ZMAT4: variants seen among roughly 807,000 people sequenced by gnomAD.
The protein encoded by ZMAT4 is zinc finger matrin-type protein 4.
ZMAT4 carries 17 observed loss-of-function variants against 28.7 expected under a neutral mutation model. That is an observed-to-expected ratio of 0.59 (90% CI 0.41 to 0.89). The LOEUF is 0.89. Ranked by LOEUF, ZMAT4 falls within the 40% of genes least tolerant of loss-of-function variation. ZMAT4 has a pLI of 0.00. For missense variants in ZMAT4, 240 were observed against 283.8 expected, an observed-to-expected ratio of 0.85 and a Z score of 1.11; for synonymous variants, 117 against 109.2, an observed-to-expected ratio of 1.07 and a Z score of -0.44.
intron 2 of ZMAT4, among the ~76,000 whole-genome samples, chr8:40,775,328 T>G (rs1813545086): frequency 6.6e-6 from 1 of 152,226 alleles, no homozygotes; most frequent in South Asian, 2.1e-4. Flanking sequence ...ACTCCATGGC[T>G]GCAGTACAGG....
At chr8:40,782,909 C>A (rs759661892) in intron 2 of ZMAT4, among the ~76,000 whole-genome samples, 17 of 152,284 alleles carry the variant, frequency 1.1e-4, no homozygotes, top group Non-Finnish European at 2.2e-4. Flanking sequence ...GAAAGACAGA[C>A]AATAACAAGT....
intron 5 of ZMAT4, among the ~76,000 whole-genome samples, chr8:40,638,612 G>T (rs1260921750): frequency 1.3e-5 from 2 of 152,200 alleles, no homozygotes; most frequent in Non-Finnish European, 2.9e-5. Context: ...TGACTCTGAG[G>T]CTGGAAAAGG....
Position 40,641,489 on chromosome 8 carries a change from GT to G in ZMAT4, c.577+33214del, listed in dbSNP as rs148182411. 8.9e-3 allele frequency among the ~76,000 whole-genome samples: 1,348 copies of G among 152,222 alleles called. 13 individuals carry two copies. Among genetic ancestry groups the G allele is most frequent in the Non-Finnish European group, 0.013 (893 of 68,008 alleles). On this transcript the variant is annotated intron_variant, in intron 5 of 6. Coordinates refer to ENST00000297737, the MANE Select transcript of ZMAT4 (RefSeq NM_024645.3). ...GAAAAGAATTATTCTAAAAAACAGT[GT>G]TTTAGTGATTTTATTCTTTTATTTT...
chr8:40,593,400 A>G (rs1353213412), intron 5 of ZMAT4, among the ~76,000 whole-genome samples: 2 of 152,196 alleles, frequency 1.3e-5, no homozygotes, highest in Non-Finnish European at 2.9e-5. Context: ...ACAAGTCTAG[A>G]GGCACGCTTC....
chr8:40,786,746 G>A (rs1181917884), intron 2 of ZMAT4: 1 of 1,289,122 alleles, frequency 7.8e-7, no homozygotes, highest in African/African-American at 1.5e-5. Flanking sequence ...GGCTTAGTAT[G>A]TCTAATGAAA....
chr8:40,709,986 C>T (rs1237281570), intron 3 of ZMAT4, among the ~76,000 whole-genome samples: 1 of 147,558 alleles, frequency 6.8e-6, no homozygotes, highest in African/African-American at 2.5e-5. Context: ...GGCAGTGAGC[C>T]GAGATCGTGC....
At chr8:40,580,970 A>G (rs996872404) in intron 6 of ZMAT4, among the ~76,000 whole-genome samples, 195 bp downstream of exon 6, 2 of 152,170 alleles carry the variant, frequency 1.3e-5, no homozygotes, top group African/African-American at 4.8e-5. Context: ...TGAAAAAAAG[A>G]GATTCTTATT....
At chr8:40,729,974 T>C (rs920923197) in intron 3 of ZMAT4, among the ~76,000 whole-genome samples, 2 of 152,218 alleles carry the variant, frequency 1.3e-5, no homozygotes, top group South Asian at 4.1e-4. Context: ...ATAAACAATA[T>C]ATTTGAGTAA....
At chr8:40,698,242 C>G (rs765070423) in intron 3 of ZMAT4, among the ~76,000 whole-genome samples, 34 of 152,028 alleles carry the variant, frequency 2.2e-4, no homozygotes, top group African/African-American at 8.0e-4. Context: ...ATGCTTAAAT[C>G]CAGCTGGATT....
intron 4 of ZMAT4, among the ~76,000 whole-genome samples, chr8:40,677,838 T>C (rs954869339): frequency 2.0e-5 from 3 of 152,224 alleles, no homozygotes; most frequent in Non-Finnish European, 2.9e-5. Flanking sequence ...TTTGTTTTTA[T>C]TCTAATTGCA....
At chr8:40,662,693 T>C (rs1291505490) in intron 5 of ZMAT4, among the ~76,000 whole-genome samples, 1 of 152,174 alleles carries the variant, frequency 6.6e-6, no homozygotes, top group African/African-American at 2.4e-5. Context: ...TCAATTACAT[T>C]TCTTGTTGGA....
chr8:40,767,489 A>T, intron 3 of ZMAT4, 152 bp downstream of exon 3: 1 of 619,024 alleles, frequency 1.6e-6, no homozygotes, highest in Non-Finnish European at 2.6e-6. Context: ...AAACCTCGAT[A>T]TATATCATAG....
At chr8:40,594,440 A>C (rs1417343046) in intron 5 of ZMAT4, among the ~76,000 whole-genome samples, 1 of 152,166 alleles carries the variant, frequency 6.6e-6, no homozygotes, top group Non-Finnish European at 1.5e-5. Flanking sequence ...GGAATAACAT[A>C]CCTACAGATC....
intron 2 of ZMAT4, among the ~76,000 whole-genome samples, chr8:40,781,264 T>C (rs1479040604): frequency 1.3e-5 from 2 of 152,122 alleles, no homozygotes; most frequent in East Asian, 1.9e-4. Flanking sequence ...AACAACTTCA[T>C]TTCCAATAGC....
At chr8:40,745,858 A>G (rs1812195918) in intron 3 of ZMAT4, among the ~76,000 whole-genome samples, 1 of 152,172 alleles carries the variant, frequency 6.6e-6, no homozygotes, top group Non-Finnish European at 1.5e-5. Context: ...TCCACTCAAT[A>G]TATATGTTAT....
At chr8:40,613,873 T>C (rs960445600) in intron 5 of ZMAT4, among the ~76,000 whole-genome samples, 5 of 151,950 alleles carry the variant, frequency 3.3e-5, no homozygotes, top group Non-Finnish European at 5.9e-5. Context: ...TGTGGGAGAG[T>C]TGGCTTTCCA....
chr8:40,812,836 G>A (rs1586096508), intron 2 of ZMAT4, among the ~76,000 whole-genome samples: 1 of 152,096 alleles, frequency 6.6e-6, no homozygotes, highest in Non-Finnish European at 1.5e-5. Context: ...GGAGGCTGAG[G>A]CAGGAGAATC....
At chr8:40,594,041 G>T (rs1233920850) in intron 5 of ZMAT4, among the ~76,000 whole-genome samples, 1 of 152,180 alleles carries the variant, frequency 6.6e-6, no homozygotes, top group Non-Finnish European at 1.5e-5. Flanking sequence ...AATTTCAGGT[G>T]TGGCCAGTTA....
intron 6 of ZMAT4, among the ~76,000 whole-genome samples, chr8:40,558,138 T>C (rs1477512100): frequency 6.6e-6 from 1 of 151,744 alleles, no homozygotes; most frequent in Non-Finnish European, 1.5e-5. Flanking sequence ...CTGCCATGGG[T>C]GTGGTGGGGA....
Sources: allele counts gnomAD v4.1 joint callset (sites outside exome capture counted in the v4.1 genomes callset), GRCh38; gene constraint gnomAD v4.1.1; transcripts MANE v1.5; gene names NCBI Gene and HGNC (gene_info 2026-07-23, HGNC 2026-07-21).